Variants in ARHGEF19 observed in about 807,000 individuals in gnomAD.
ARHGEF19 encodes Rho guanine nucleotide exchange factor (GEF) 19.
A neutral mutation model predicts 87.6 loss-of-function variants in ARHGEF19; 92 were observed. That is an observed-to-expected ratio of 1.05 (90% CI 0.89 to 1.25). ARHGEF19 has a LOEUF of 1.25. Among genes scored for constraint, ARHGEF19 ranks in the 50% most tolerant of loss-of-function variants. The probability of loss-of-function intolerance (pLI) is 0.00; values close to 1 mark genes in which losing one functional copy is unlikely to be tolerated. For missense variants in ARHGEF19, 1,054 were observed against 1,051.8 expected (o/e 1.00, Z -0.03); for synonymous variants, 438 against 446.2 (o/e 0.98, Z 0.23).
intron 1 of ARHGEF19, among the ~76,000 whole-genome samples, chr1:16,209,510 A>G (rs1235206617): frequency 6.6e-6 from 1 of 152,138 alleles, no homozygotes; most frequent in African/African-American, 2.4e-5. Flanking sequence ...ACACAAATCC[A>G]TTTCCCAACA....
chr1:16,199,034 C>T, intron 15 of ARHGEF19, 116 bp downstream of exon 15: 1 of 1,048,556 alleles, frequency 9.5e-7, no homozygotes, highest in South Asian at 1.5e-5. Context: ...ACCTGATTCC[C>T]ACATGCTGTG....
Position 16,207,454 on chromosome 1 carries a change from T to C in ARHGEF19, c.874+68A>G, listed in dbSNP as rs1569714464. On this transcript the variant is annotated intron_variant, in intron 5 of 15. Transcript: ENST00000270747. The surrounding 1 kb of genome is among the most constrained non-coding windows in gnomAD (Gnocchi z 4.0). The stretch of plus-strand genomic sequence containing the variant: ...CTACCTCTCAACTCTCCAAACCCTC[T>C]TTTCCCCGTTTCCACACCGCAGCCC... The C allele has an allele frequency of 1.3e-6, 2 of 1,585,548 alleles. No individual in the cohort carries two copies. The highest frequency in any genetic ancestry group is 4.5e-5 in the East Asian group (2 of 44,496).
chr1:16,204,717 T>C, intron 12 of ARHGEF19, 42 bp downstream of exon 12: 1 of 1,522,618 alleles, frequency 6.6e-7, no homozygotes, highest in East Asian at 2.3e-5. Context: ...GAAGAGAGCC[T>C]GGCTCCACTT....
chr1:16,203,365 A>T (rs1569702959), intron 12 of ARHGEF19, among the ~76,000 whole-genome samples: 3 of 151,760 alleles, frequency 2.0e-5, no homozygotes, highest in Admixed American at 2.0e-4. Flanking sequence ...TCCCCCCTAC[A>T]CCCATCTGGT....
At position 16,208,168 on chromosome 1, in the gene ARHGEF19, G is replaced by A; in HGVS notation, c.470C>T (p.Ala157Val). The stretch of plus-strand genomic sequence containing the variant: ...TACCTGGCCAGGCTCTAGGAAGACA[G>A]CGTGGGCCTCGGGGCAGCCGGGGAC... The part of the protein sequence containing the change: ...EEVPGCPEAH[A>V]VFLEPGQVVQ... The change falls in exon 3 of 16, where the codon GCT becomes GTT. Residue 157 changes from alanine to valine, a missense_variant. Physicochemically the swap from Ala to Val is moderately conservative, Grantham distance 64 (BLOSUM62 0). Transcript: ENST00000270747. 6.2e-7 allele frequency: 1 copy of A among 1,613,342 alleles called. No homozygotes were observed. The highest frequency in any genetic ancestry group is 1.1e-5 in the South Asian group (1 of 91,066).
intron 14 of ARHGEF19, 42 bp from the exon 15 acceptor site, chr1:16,199,296 T>C (rs1557537235): frequency 1.3e-6 from 2 of 1,577,810 alleles, no homozygotes; most frequent in Admixed American, 1.7e-5. Context: ...AAGGGCAGGA[T>C]GGCAGGGGGA....
rs764618123 is a variant in ARHGEF19, at chr1:16,207,676, T to G, written c.796A>C (p.Arg266=). 4 of 1,613,966 alleles carry G rather than the reference T, an allele frequency of 2.5e-6. No homozygotes were observed. The highest frequency in any genetic ancestry group is 2.5e-6 in the Non-Finnish European group (3 of 1,180,024). The change falls in exon 4 of 16, where the codon AGG becomes CGG. Residue 266 remains arginine (R), a splice_region_variant and synonymous_variant. Coordinates refer to ENST00000270747, the MANE Select transcript of ARHGEF19 (RefSeq NM_153213.5). This position sits in a 1 kb window ranked among gnomAD's most constrained non-coding sequence, Gnocchi z 4.0. ...DSREGDWSEP[R]LDTQEEPPLG... is the part of the protein sequence containing the mutation. ...CCAAGCCCAAACGGGAGGTGGTACC[T>G]GGGCTCGGACCAATCGCCCTCTCGT...
chr1:16,198,703 A>G lies in ARHGEF19; in HGVS notation c.2293T>C (p.Trp765Arg). ...TCTTCCACATAGGCCTGGGGCACCC[A>G]CCCCTTCTCACCATCTGCCAGGCGG... ...GVRLADGEKG[W>R]VPQAYVEEIS... Residue 765 changes from tryptophan (W) to arginine (R), a missense_variant, in exon 16 of 16, where the codon TGG becomes CGG. Transcript: ENST00000270747. The surrounding 1 kb of genome is among the most constrained non-coding windows in gnomAD (Gnocchi z 4.1). The G allele has an allele frequency of 6.2e-7, 1 of 1,611,382 alleles. No individual in the cohort carries two copies. Among genetic ancestry groups the G allele is most frequent in the Non-Finnish European group, 8.5e-7 (1 of 1,178,468 alleles).
chr1:16,207,996 A>T lies in ARHGEF19; in HGVS notation c.642T>A (p.Asn214Lys). The change falls in exon 3 of 16, where the codon AAT becomes AAA. Residue 214 changes from asparagine to lysine, a missense_variant. Coordinates refer to ENST00000270747, the MANE Select transcript of ARHGEF19 (RefSeq NM_153213.5). This position sits in a 1 kb window ranked among gnomAD's most constrained non-coding sequence, Gnocchi z 4.0. The stretch of plus-strand genomic sequence containing the variant: ...CAGAGATGAGTGCCCGGGCTGCTGA[A>T]TTCCGCCCCAGGCGCAGAGAAGAGT... ...RLHSSLRLGR[N>K]SAARALISGS... The T allele has an allele frequency of 6.2e-7, 1 of 1,612,802 alleles. No individual in the cohort carries two copies. The highest frequency in any genetic ancestry group is 8.5e-7 in the Non-Finnish European group (1 of 1,179,890).
chr1:16,211,107 C>G (rs529204379), intron 1 of ARHGEF19, among the ~76,000 whole-genome samples: 1 of 152,290 alleles, frequency 6.6e-6, no homozygotes, highest in African/African-American at 2.4e-5. Flanking sequence ...GAGCGAGTCT[C>G]CCTAAGCCTC....
rs188635842 is a variant in ARHGEF19, at chr1:16,207,976, A to T, written c.662T>A (p.Ile221Asn). The part of the protein sequence containing the change: ...LGRNSAARAL[I>N]SGSGTGAARE... ...GGCTGCTCCGGTGCCTGACCCAGAG[A>T]TGAGTGCCCGGGCTGCTGAATTCCG... Residue 221 changes from isoleucine to asparagine, a missense_variant, in exon 3 of 16, where the codon ATC becomes AAC. Coordinates refer to ENST00000270747, the MANE Select transcript of ARHGEF19 (RefSeq NM_153213.5). The surrounding 1 kb of genome is among the most constrained non-coding windows in gnomAD (Gnocchi z 4.0). 2.0e-4 allele frequency: 315 copies of T among 1,610,066 alleles called. 2 individuals carry two copies. The East Asian group carries it at 5.5e-3, about 28-fold the overall frequency.
chr1:16,204,810 G>T lies in ARHGEF19; in HGVS notation c.1856C>A (p.Ala619Glu), dbSNP rs2081111324. 1.2e-6 allele frequency: 2 copies of T among 1,612,936 alleles called. No homozygotes were observed. Among genetic ancestry groups the T allele is most frequent in the African/African-American group, 2.7e-5 (2 of 74,934 alleles). Residue 619 changes from alanine to glutamate, a missense_variant, in exon 12 of 16, where the codon GCA becomes GAA. Coordinates refer to ENST00000270747, the MANE Select transcript of ARHGEF19 (RefSeq NM_153213.5). ...GTCATTGAAGAGGTGGAGGTAGACT[G>T]CCTTGCTGGACAGCTTCAGCTTGGC... is the stretch of plus-strand genomic sequence containing the variant. ...PPAKLKLSSK[A>E]VYLHLFNDCL...
In ARHGEF19 at chr1:16,207,761, C is replaced by T; in HGVS notation, c.711G>A (p.Met237Ile). The change falls in exon 4 of 16, where the codon ATG (methionine) becomes ATA (isoleucine). Residue 237 changes from methionine (M) to isoleucine (I), a missense_variant. Transcript: ENST00000270747. This position sits in a 1 kb window ranked among gnomAD's most constrained non-coding sequence, Gnocchi z 4.0. ...CGCTCATCTCTACACTTCGAGCCTC[C>T]ATTCCAGATGCTTTCCCTGGAGAGG... ...GAAREGKASG[M>I]EARSVEMSGD... 4 of 1,614,000 alleles carry T rather than the reference C, an allele frequency of 2.5e-6. No homozygotes were observed. Among genetic ancestry groups the T allele is most frequent in the Non-Finnish European group, 2.5e-6 (3 of 1,180,030 alleles).
rs948621558 is a variant in ARHGEF19 at position 16,207,127 on chromosome 1, C to G, written c.958G>C (p.Glu320Gln). The G allele has an allele frequency of 1.5e-5, 23 of 1,520,936 alleles. No homozygotes were observed. Among genetic ancestry groups the G allele is most frequent in the Non-Finnish European group, 1.9e-5 (22 of 1,138,336 alleles). The allele number at this position is 1,520,936 out of a possible 1,614,324, so 94.2% of individuals were successfully genotyped here. A position where few individuals can be genotyped will look rare whatever the true frequency, so the allele number is the denominator to read the frequency against. Reference protein sequence around the residue: ...QQREEEGPGDEAEGAEEGPGP... With the variant: ...QQREEEGPGDQAEGAEEGPGP... ...GGCCCCTCCTCTGCGCCCTCGGCCT[C>G]GTCCCCCGGGCCCTCCTCCTCGCGC... The change falls in exon 6 of 16, where the codon GAG becomes CAG. Residue 320 changes from glutamate (E) to glutamine (Q), a missense_variant. Physicochemically the swap from Glu to Gln is conservative, Grantham distance 29. Coordinates refer to ENST00000270747, the MANE Select transcript of ARHGEF19 (RefSeq NM_153213.5). The surrounding 1 kb of genome is among the most constrained non-coding windows in gnomAD (Gnocchi z 4.0).
intron 14 of ARHGEF19, among the ~76,000 whole-genome samples, chr1:16,199,766 A>G (rs1293722748): frequency 6.6e-6 from 1 of 152,022 alleles, no homozygotes; most frequent in Admixed American, 6.6e-5. Flanking sequence ...AGGCCCTACA[A>G]GGCCCTTCAT....
At chr1:16,211,963 G>T (rs907561838) in intron 1 of ARHGEF19, among the ~76,000 whole-genome samples, 2 of 152,200 alleles carry the variant, frequency 1.3e-5, no homozygotes, top group African/African-American at 4.8e-5. Context: ...CAGCTGTGTG[G>T]CCTTAGGCAA....
At position 16,205,797 on chromosome 1, in the gene ARHGEF19, C is replaced by T; in HGVS notation, c.1452-130G>A. On this transcript the variant is annotated intron_variant, in intron 8 of 15. Transcript: ENST00000270747. This position sits in a 1 kb window ranked among gnomAD's most constrained non-coding sequence, Gnocchi z 5.8. ...ACTGCCCTTTGGGGTTGCATCTCAC[C>T]TTATCCTGGTCACAGAGACCTTTTC... The T allele has an allele frequency of 6.7e-7, 1 of 1,490,210 alleles. No individual in the cohort carries two copies. Among genetic ancestry groups the T allele is most frequent in the Non-Finnish European group, 9.0e-7 (1 of 1,113,738 alleles). 92.3% of individuals were successfully genotyped at this position (1,490,210 alleles called of 1,614,324 possible).
rs185905964 is a variant in ARHGEF19, at chr1:16,208,382, G to A, written c.413-157C>T. On this transcript the variant is annotated intron_variant, in intron 2 of 15. Coordinates refer to ENST00000270747, the MANE Select transcript of ARHGEF19 (RefSeq NM_153213.5). Reference sequence around the variant, plus strand: ...AGCATCTGGTCCCCAGAGCCCTGGGGTCCACGAGAGGGGTAAGGAGAGCAC... The same window carrying A: ...AGCATCTGGTCCCCAGAGCCCTGGGATCCACGAGAGGGGTAAGGAGAGCAC... 9.8e-5 allele frequency among the ~76,000 whole-genome samples: 15 copies of A among 152,288 alleles called. No homozygotes were observed. In the East Asian group the frequency reaches 2.9e-3, roughly 30 times the overall value.
rs2081163579 is a variant in ARHGEF19, at chr1:16,208,185, G to A, written c.453C>T (p.Gly151=). ...MRVYQREEVP[G]CPEAHAVFLE... ...GGAAGACAGCGTGGGCCTCGGGGCAGCCGGGGACCTCTTCACGCTGGTACA... is the reference window on the plus strand; with the variant it reads ...GGAAGACAGCGTGGGCCTCGGGGCAACCGGGGACCTCTTCACGCTGGTACA... The change falls in exon 3 of 16, where the codon GGC becomes GGT. Residue 151 remains glycine (G), a synonymous_variant. Transcript: ENST00000270747. The A allele has an allele frequency of 3.7e-6, 6 of 1,613,346 alleles. No homozygotes were observed. The South Asian group carries it at 5.5e-5, about 15-fold the overall frequency.
Sources: allele counts gnomAD v4.1 joint callset (sites outside exome capture counted in the v4.1 genomes callset), GRCh38; gene constraint gnomAD v4.1.1; non-coding constraint Gnocchi (gnomAD v3.1); transcripts MANE v1.5; gene names NCBI Gene and HGNC (gene_info 2026-07-23, HGNC 2026-07-21).